CATSPERB: variants seen among roughly 807,000 people sequenced by gnomAD.
CATSPERB encodes the protein cation channel sperm-associated auxiliary subunit beta.
CATSPERB carries 93 observed loss-of-function variants against 128.3 expected under a neutral mutation model. That is an observed-to-expected ratio of 0.72 (90% CI 0.61 to 0.86). The LOEUF (loss-of-function observed/expected upper bound fraction) is 0.86. Ranked by LOEUF, CATSPERB falls within the 40% of genes least tolerant of loss-of-function variation. The probability of loss-of-function intolerance (pLI) is 0.00; values close to 1 mark genes in which losing one functional copy is unlikely to be tolerated. For missense variants in CATSPERB, 1,153 were observed against 1,329.5 expected, an observed-to-expected ratio of 0.87 and a Z score of 2.06; for synonymous variants, 381 against 448.8, an observed-to-expected ratio of 0.85 and a Z score of 1.91.
intron 19 of CATSPERB, among the ~76,000 whole-genome samples, chr14:91,620,363 C>T (rs1056387720): frequency 5.9e-5 from 9 of 152,030 alleles, no homozygotes; most frequent in African/African-American, 2.2e-4. Context: ...GTCTCACTGC[C>T]TTATGATCAG....
chr14:91,707,543 C>T (rs1420583935), intron 6 of CATSPERB, among the ~76,000 whole-genome samples: 2 of 146,240 alleles, frequency 1.4e-5, no homozygotes, highest in African/African-American at 2.5e-5. Flanking sequence ...TTATAATGAC[C>T]CTCAATGTGG....
rs944340232 is a variant in CATSPERB at position 91,637,471 on chromosome 14, A to G, written c.1588-892T>C. On this transcript the variant is annotated intron_variant, in intron 16 of 26. Coordinates refer to ENST00000256343, the MANE Select transcript of CATSPERB (RefSeq NM_024764.4). ...TCTTTAGAATTCTGTATGACACTGT[A>G]GCCTGGGAGTGGCAAGTGTATCCTA... 2.0e-5 allele frequency among the ~76,000 whole-genome samples: 3 copies of G among 152,172 alleles called. No homozygotes were observed. The East Asian group carries it at 5.8e-4, about 29-fold the overall frequency.
chr14:91,592,460 C>G (rs1260771529), intron 22 of CATSPERB: 1 of 163,232 alleles, frequency 6.1e-6, no homozygotes, highest in African/African-American at 2.4e-5. Context: ...CTATATCTGC[C>G]CATTTGTCAT....
intron 10 of CATSPERB, among the ~76,000 whole-genome samples, chr14:91,689,448 G>A (rs1895429961): frequency 1.3e-5 from 2 of 152,190 alleles, no homozygotes; most frequent in Non-Finnish European, 2.9e-5. Context: ...CAGGTAGGCT[G>A]AAGATGAAAG....
At chr14:91,612,055 TCTTTCTTTCTTC>T (rs199886130) in intron 20 of CATSPERB, among the ~76,000 whole-genome samples, 16,432 of 128,170 alleles carry the variant, frequency 0.13, 1,094 homozygotes, top group Middle Eastern at 0.17. Context: ...TTTCTTTCTT[TCTTTCTTTCTTC>T]CTTTTTTTAA....
At chr14:91,674,315 A>G (rs1895153624) in intron 11 of CATSPERB, 93 bp from the exon 12 acceptor site, 1 of 743,164 alleles carries the variant, frequency 1.3e-6, no homozygotes, top group Non-Finnish European at 2.3e-6. Context: ...TGAAAATCAT[A>G]GAAATTATTT....
rs1894209186 is a variant in CATSPERB at position 91,628,427 on chromosome 14, C to G, written c.1743-3420G>C. ...GCAGGTAACTATAGCAAAAAATGTTCTACATCATATACTGATATGGTTTGG... is the reference window on the plus strand; with the variant it reads ...GCAGGTAACTATAGCAAAAAATGTTGTACATCATATACTGATATGGTTTGG... On this transcript the variant is annotated intron_variant, in intron 17 of 26. Coordinates refer to ENST00000256343, the MANE Select transcript of CATSPERB (RefSeq NM_024764.4). Among the ~76,000 whole-genome samples the G allele has an allele frequency of 3.3e-5, 5 of 152,200 alleles. No individual in the cohort carries two copies. In the South Asian group the frequency reaches 8.3e-4, roughly 25 times the overall value.
intron 22 of CATSPERB, among the ~76,000 whole-genome samples, chr14:91,594,366 T>C (rs373266659): frequency 5.5e-4 from 84 of 151,946 alleles, no homozygotes; most frequent in Middle Eastern, 6.8e-3. Flanking sequence ...TTAGGAGATA[T>C]ACCTAATGCT....
intron 2 of CATSPERB, among the ~76,000 whole-genome samples, chr14:91,728,893 C>T (rs781491595): frequency 6.6e-6 from 1 of 152,214 alleles, no homozygotes; most frequent in African/African-American, 2.4e-5. Context: ...CACAGTTATA[C>T]AACCACAACA....
chr14:91,599,878 T>C (rs1732439718), intron 22 of CATSPERB, among the ~76,000 whole-genome samples: 1 of 152,172 alleles, frequency 6.6e-6, no homozygotes, highest in Admixed American at 6.5e-5. Flanking sequence ...TCTATCTCAG[T>C]GAGCAAAGGA....
At chr14:91,602,607 T>C (rs973844991) in intron 22 of CATSPERB, among the ~76,000 whole-genome samples, 3 of 151,912 alleles carry the variant, frequency 2.0e-5, no homozygotes, top group Non-Finnish European at 4.4e-5. Context: ...GAATGTAAAC[T>C]CAAAGTGGTT....
Position 91,653,755 on chromosome 14 carries a change from C to T in CATSPERB, c.1432+6082G>A, listed in dbSNP as rs142669520. On this transcript the variant is annotated intron_variant, in intron 15 of 26. Coordinates refer to ENST00000256343, the MANE Select transcript of CATSPERB (RefSeq NM_024764.4). ...CATGTGGGAATTCTGGGAGATACAA[C>T]TCAAGTTGAGATTTGGGTTGGGACA... 5.4e-3 allele frequency among the ~76,000 whole-genome samples: 818 copies of T among 152,282 alleles called. 8 individuals carry two copies. The highest frequency in any genetic ancestry group is 0.019 in the African/African-American group (782 of 41,560).
chr14:91,598,685 C>A (rs1314434807), intron 22 of CATSPERB, among the ~76,000 whole-genome samples: 1 of 151,798 alleles, frequency 6.6e-6, no homozygotes, highest in Non-Finnish European at 1.5e-5. Flanking sequence ...GGTGAAACCC[C>A]ATCTCTACTA....
Position 91,621,661 on chromosome 14 carries a change from A to AT in CATSPERB, c.2206dup (p.Ile736AsnfsTer2). ...TAAAACATAAGAGTTTCCCAGATCA[A>AT]TGTATTTCACGATGTTGAGGGATGG... On this transcript the variant is annotated frameshift_variant, in exon 19 of 27. Coordinates refer to ENST00000256343, the MANE Select transcript of CATSPERB (RefSeq NM_024764.4). LOFTEE classifies it high-confidence loss of function. 27 of 1,613,378 alleles carry AT rather than the reference A, an allele frequency of 1.7e-5. No homozygotes were observed. Among genetic ancestry groups the AT allele is most frequent in the Non-Finnish European group, 2.2e-5 (26 of 1,179,468 alleles).
rs757805962 is a variant in CATSPERB at position 91,704,685 on chromosome 14, C to A, written c.483G>T (p.Trp161Cys). The A allele has an allele frequency of 5.6e-6, 9 of 1,613,192 alleles. No homozygotes were observed. The highest frequency in any genetic ancestry group is 1.7e-6 in the Non-Finnish European group (2 of 1,179,652). ...TTTCTGGAATCACATCCCCAGGAGT[C>A]CACTGAAGAATCGGTTCTGTGGAAA... ...LDVIREPILQWTPGDVIPESE... is the reference protein window; with the variant it reads ...LDVIREPILQCTPGDVIPESE... Residue 161 changes from tryptophan (W) to cysteine (C), a missense_variant, in exon 7 of 27, where the codon TGG (tryptophan) becomes TGT (cysteine). Trp to Cys is a radical substitution (Grantham distance 215). Transcript: ENST00000256343.
At chr14:91,588,853 A>G (rs942319554) in intron 24 of CATSPERB, among the ~76,000 whole-genome samples, 1 of 152,152 alleles carries the variant, frequency 6.6e-6, no homozygotes, top group African/African-American at 2.4e-5. Flanking sequence ...ATTTTGCTGG[A>G]TTTTTCATTT....
intron 26 of CATSPERB, among the ~76,000 whole-genome samples, chr14:91,584,682 A>G (rs1253353043): frequency 6.6e-6 from 1 of 152,170 alleles, no homozygotes; most frequent in Non-Finnish European, 1.5e-5. Context: ...AGAATTCTGG[A>G]TTGACAATCC....
At chr14:91,609,228 T>C (rs1893773745) in intron 21 of CATSPERB, among the ~76,000 whole-genome samples, 1 of 152,134 alleles carries the variant, frequency 6.6e-6, no homozygotes, top group Admixed American at 6.6e-5. Context: ...TCATGACTTT[T>C]CTCTGCCTCT....
rs115507281 is a variant in CATSPERB, at chr14:91,722,134, T to C, written c.309+915A>G. On this transcript the variant is annotated intron_variant, in intron 4 of 26. Transcript: ENST00000256343. ...CACTTTAGAAAACAGTCTGGCATTT[T>C]CTCAAAAGGTCAAACATGGAGTTAT... 5.2e-3 allele frequency among the ~76,000 whole-genome samples: 790 copies of C among 152,322 alleles called. 7 individuals are homozygous for C. The highest frequency in any genetic ancestry group is 0.018 in the African/African-American group (740 of 41,584).
Sources: gnomAD v4.1 joint callset for allele counts (sites outside exome capture counted in the v4.1 genomes callset) on GRCh38, gnomAD v4.1.1 for gene constraint, MANE v1.5 for transcripts, NCBI Gene and HGNC (gene_info 2026-07-23, HGNC 2026-07-21) for gene names.